The following EVA1B variants were observed in gnomAD, a reference collection of about 807,000 sequenced individuals.
EVA1B encodes eva-1 homolog B.
Under a neutral mutation model 4.6 loss-of-function variants are expected in EVA1B, and 2 were observed. That is an observed-to-expected ratio of 0.43 (90% confidence interval 0.18 to 1.37). The LOEUF (loss-of-function observed/expected upper bound fraction) is 1.37, where lower values mean the gene tolerates loss of function less well. Ranked by LOEUF, EVA1B falls within the 40% of genes most tolerant of loss-of-function variation. The probability of loss-of-function intolerance (pLI) is 0.28; values close to 1 mark genes in which losing one functional copy is unlikely to be tolerated. For synonymous variants in EVA1B, 124 were observed against 115.8 expected (o/e 1.07, Z -0.46); for missense variants, 263 against 240.4 (o/e 1.09, Z -0.62).
rs58971913 is a variant in EVA1B, at chr1:36,322,287, G to A, written c.*8C>T. 0.36 allele frequency: 531,842 copies of A among 1,495,620 alleles called. 100,331 individuals carry two copies. Among genetic ancestry groups the A allele is most frequent in the South Asian group, 0.39 (30,505 of 77,576 alleles). 92.6% of individuals were successfully genotyped at this position (1,495,620 alleles called of 1,614,324 possible). Reference sequence around the variant, plus strand: ...CCCCGAGCGCCTTGCAGCGGGAGCCGGGGCCCATCAGTAATAGTGCATGCG... The same window carrying A: ...CCCCGAGCGCCTTGCAGCGGGAGCCAGGGCCCATCAGTAATAGTGCATGCG... On this transcript the variant is annotated 3_prime_UTR_variant, in exon 3 of 3. Coordinates refer to ENST00000490466, the MANE Select transcript of EVA1B (RefSeq NM_001304762.2).
chr1:36,322,248 G>T lies in EVA1B; in HGVS notation c.*47C>A. 6.9e-7 allele frequency: 1 copy of T among 1,448,180 alleles called. No individual in the cohort carries two copies. Among genetic ancestry groups the T allele is most frequent in the Non-Finnish European group, 9.1e-7 (1 of 1,104,842 alleles). The allele number at this position is 1,448,180 out of a possible 1,614,324, so 89.7% of individuals were successfully genotyped here. A position where few individuals can be genotyped will look rare whatever the true frequency, so the allele number is the denominator to read the frequency against. ...AGGTGTGGGGTAGCTCTGAGCTCATGTGCAGGTCCGGTACCCCGAGCGCCT... is the reference window on the plus strand; with the variant it reads ...AGGTGTGGGGTAGCTCTGAGCTCATTTGCAGGTCCGGTACCCCGAGCGCCT... On this transcript the variant is annotated 3_prime_UTR_variant, in exon 3 of 3. Transcript: ENST00000490466.
In EVA1B at chr1:36,322,587, C is replaced by CGG. The variant is rs1570412080; in HGVS notation, c.204_205dup (p.Arg69ProfsTer19). ...GTCCTCGGGCTCCAGGGTGCTGCTG[C>CGG]GGGGGTCCCGGCGCTGAGCCGGGCC... On this transcript the variant is annotated frameshift_variant, in exon 3 of 3. Transcript: ENST00000490466. LOFTEE classifies it low-confidence loss of function (END_TRUNC). The CGG allele has an allele frequency of 2.5e-6, 4 of 1,569,616 alleles. No homozygotes were observed. Among genetic ancestry groups the CGG allele is most frequent in the Non-Finnish European group, 3.4e-6 (4 of 1,162,570 alleles).
In EVA1B at chr1:36,322,577, G is replaced by T. The variant is rs749064456; in HGVS notation, c.216C>A (p.Thr72=). The change falls in exon 3 of 3, where the codon ACC becomes ACA. Residue 72 remains threonine (T), a synonymous_variant. Coordinates refer to ENST00000490466, the MANE Select transcript of EVA1B (RefSeq NM_001304762.2). ...CCTCGTCGTCGTCCTCGGGCTCCAG[G>T]GTGCTGCTGCGGGGGTCCCGGCGCT... ...PAQRRDPRSS[T]LEPEDDDEDE... 3 of 1,582,086 alleles carry T rather than the reference G, an allele frequency of 1.9e-6. No individual in the cohort carries two copies. The highest frequency in any genetic ancestry group is 2.6e-6 in the Non-Finnish European group (3 of 1,168,990).
chr1:36,323,108 G>T, intron 1 of EVA1B, 41 bp from the exon 2 acceptor site: 1 of 1,529,666 alleles, frequency 6.5e-7, no homozygotes, highest in East Asian at 2.4e-5. Context: ...CCAGCCTGGA[G>T]CCCACCCCGA....
intron 1 of EVA1B, 147 bp downstream of exon 1, chr1:36,323,312 G>A: frequency 4.7e-6 from 2 of 427,542 alleles, no homozygotes; most frequent in Non-Finnish European, 8.3e-6. Flanking sequence ...GTCCCCAGCT[G>A]AGGCCCGGTT....
chr1:36,322,883 C>T (rs1157646839), intron 2 of EVA1B, 88 bp downstream of exon 2: 8 of 1,534,218 alleles, frequency 5.2e-6, no homozygotes, highest in Non-Finnish European at 7.1e-6. Flanking sequence ...GGGAGCGGGG[C>T]GGAGGGGACG....
upstream of EVA1B, chr1:36,324,132 C>T (rs1399302459): frequency 1.1e-4 from 17 of 152,242 alleles, no homozygotes; most frequent in Non-Finnish European, 2.9e-5. Flanking sequence ...GTCCACCCCT[C>T]CTTCCAGGGC....
Position 36,322,623 on chromosome 1 carries a change from G to A in EVA1B, c.170C>T (p.Pro57Leu), listed in dbSNP as rs1268513604. 103 of 1,546,034 alleles carry A rather than the reference G, an allele frequency of 6.7e-5. No homozygotes were observed. The highest frequency in any genetic ancestry group is 8.7e-5 in the Non-Finnish European group (100 of 1,147,784). Residue 57 changes from proline (P) to leucine (L), a missense_variant, in exon 3 of 3, where the codon CCG becomes CTG. Physicochemically the swap from Pro to Leu is moderately conservative, Grantham distance 98. Transcript: ENST00000490466. ...GCGCTGAGCCGGGCCCCGGGGCCGC[G>A]GGCGGGGCGCCCACGAGATGCTGAT... ...LVISISWAPR[P>L]RPRGPAQRRD...
In EVA1B at chr1:36,322,357, T is replaced by C. The variant is rs775569033; in HGVS notation, c.436A>G (p.Thr146Ala). Residue 146 changes from threonine (T) to alanine (A), a missense_variant, in exon 3 of 3, where the codon ACA becomes GCA. By Grantham distance (58) the Thr-to-Ala change is moderately conservative. Transcript: ENST00000490466. Reference sequence around the variant, plus strand: ...GTGGGGCTGGGCCCCAGCGTGCCTGTGCCCAGCAGGTCCGGCTGCCCGGTG... The same window carrying C: ...GTGGGGCTGGGCCCCAGCGTGCCTGCGCCCAGCAGGTCCGGCTGCCCGGTG... Reference protein sequence around the residue: ...WRTGQPDLLGTGTLGPSPTAT... With the variant: ...WRTGQPDLLGAGTLGPSPTAT... 5.1e-5 allele frequency: 81 copies of C among 1,586,510 alleles called. No homozygotes were observed. The highest frequency in any genetic ancestry group is 3.6e-4 in the South Asian group (32 of 89,128).
chr1:36,323,168 C>G (rs918891725), intron 1 of EVA1B, 101 bp from the exon 2 acceptor site: 10 of 993,462 alleles, frequency 1.0e-5, no homozygotes, highest in Non-Finnish European at 1.4e-5. Context: ...CCAGGTTCCA[C>G]CCTGGAGAGA....
At position 36,322,477 on chromosome 1, in the gene EVA1B, C is replaced by A. The variant is rs201498075; in HGVS notation, c.316G>T (p.Gly106Trp). The change falls in exon 3 of 3, where the codon GGG (glycine) becomes TGG (tryptophan). Residue 106 changes from glycine (G) to tryptophan (W), a missense_variant. Gly to Trp is a radical substitution (Grantham distance 184). Transcript: ENST00000490466. ...GTGAAGACGTTGACGTTGAGGGGCC[C>A]GTCCGGCTCTGCGGACAGCTCGGGG... ...PGPELSAEPD[G>W]PLNVNVFTSA... 1.6e-4 allele frequency: 252 copies of A among 1,604,210 alleles called. No individual in the cohort carries two copies. The highest frequency in any genetic ancestry group is 7.9e-5 in the Non-Finnish European group (93 of 1,179,208).
intron 2 of EVA1B, 91 bp downstream of exon 2, chr1:36,322,880 G>A: frequency 1.3e-6 from 2 of 1,546,488 alleles, no homozygotes; most frequent in South Asian, 1.2e-5. Context: ...GCGGGGAGCG[G>A]GGCGGAGGGG....
In EVA1B at chr1:36,322,343, C is replaced by T. The variant is rs1266908192; in HGVS notation, c.450G>A (p.Gly150=). 3.8e-6 allele frequency: 6 copies of T among 1,577,474 alleles called. No homozygotes were observed. In the Admixed American group the frequency reaches 7.0e-5, roughly 18 times the overall value. Residue 150 remains glycine, a synonymous_variant, in exon 3 of 3, where the codon GGG becomes GGA. Transcript: ENST00000490466. The part of the protein sequence containing the change: ...QPDLLGTGTL[G]PSPTATGTLG... ...GGGTGCCCGTGGCCGTGGGGCTGGGCCCCAGCGTGCCTGTGCCCAGCAGGT... is the reference window on the plus strand; with the variant it reads ...GGGTGCCCGTGGCCGTGGGGCTGGGTCCCAGCGTGCCTGTGCCCAGCAGGT...
In EVA1B at chr1:36,322,535, C is replaced by A. The variant is rs1169384015; in HGVS notation, c.258G>T (p.Val86=). Residue 86 remains valine (V), a synonymous_variant, in exon 3 of 3, where the codon GTG becomes GTT. Transcript: ENST00000490466. ...EDDDEDEEDT[V]TRLGPDDTLP... is the part of the protein sequence containing the mutation. ...GCGTGTCGTCGGGGCCCAGCCGAGT[C>A]ACCGTGTCCTCCTCGTCCTCGTCGT... The A allele has an allele frequency of 6.2e-7, 1 of 1,600,412 alleles. No homozygotes were observed. The highest frequency in any genetic ancestry group is 8.5e-7 in the Non-Finnish European group (1 of 1,177,992).
Position 36,322,539 on chromosome 1 carries a change from G to T in EVA1B, c.254C>A (p.Thr85Lys). 1 of 1,600,008 alleles carries T rather than the reference G, an allele frequency of 6.2e-7. No homozygotes were observed. The change falls in exon 3 of 3, where the codon ACG becomes AAG. Residue 85 changes from threonine (T) to lysine (K), a missense_variant. Coordinates refer to ENST00000490466, the MANE Select transcript of EVA1B (RefSeq NM_001304762.2). The part of the protein sequence containing the change: ...PEDDDEDEED[T>K]VTRLGPDDTL... ...GTCGTCGGGGCCCAGCCGAGTCACC[G>T]TGTCCTCCTCGTCCTCGTCGTCGTC... is the stretch of plus-strand genomic sequence containing the variant.
In EVA1B at chr1:36,322,208, G is replaced by T; in HGVS notation, c.*87C>A. 1 of 1,394,652 alleles carries T rather than the reference G, an allele frequency of 7.2e-7. No homozygotes were observed. Among genetic ancestry groups the T allele is most frequent in the Non-Finnish European group, 9.3e-7 (1 of 1,073,068 alleles). The allele number at this position is 1,394,652 out of a possible 1,614,324, so 86.4% of individuals were successfully genotyped here. ...CCAGTAGCACCTGGGAGCTGTGGGG[G>T]CCGAGGCAGTCCGAAGGTGTGGGGT... On this transcript the variant is annotated 3_prime_UTR_variant, in exon 3 of 3. Coordinates refer to ENST00000490466, the MANE Select transcript of EVA1B (RefSeq NM_001304762.2).
chr1:36,323,915 T>G (rs1646513095), upstream of EVA1B: 1 of 152,288 alleles, frequency 6.6e-6, no homozygotes, highest in South Asian at 2.1e-4. Context: ...CCCTGCGACG[T>G]GATACCATTA....
intron 2 of EVA1B, 43 bp downstream of exon 2, chr1:36,322,928 A>C (rs767105755): frequency 1.9e-6 from 3 of 1,600,812 alleles, no homozygotes; most frequent in Admixed American, 1.7e-5. Flanking sequence ...GATGGTGGTC[A>C]GGGAAGGGTT....
At chr1:36,323,679 C>A (rs1488592005), upstream of EVA1B, 1 of 151,468 alleles carries the variant, frequency 6.6e-6, no homozygotes, top group Non-Finnish European at 1.5e-5. Flanking sequence ...GGCGGGGAGG[C>A]GGGGAGGAAA....
Sources: gnomAD v4.1 joint callset for allele counts on GRCh38, gnomAD v4.1.1 for gene constraint, MANE v1.5 for transcripts, NCBI Gene and HGNC (gene_info 2026-07-23, HGNC 2026-07-21) for gene names.